The following SENP7 variants were observed in gnomAD, a reference collection of about 807,000 sequenced individuals.
SENP7 encodes sentrin-specific protease 7.
SENP7 carries 64 observed loss-of-function variants against 141.2 expected under a neutral mutation model. The observed-to-expected ratio is 0.45, with a 90% CI of 0.37 to 0.56. The LOEUF is 0.56. SENP7 is among the 20% of genes least tolerant of loss of function. SENP7 has a pLI of 0.00. For synonymous variants in SENP7, 382 were observed against 426.4 expected (o/e 0.90, Z 1.28); for missense variants, 1,025 against 1,212.2 (o/e 0.85, Z 2.29).
chr3:101,464,982 A>G (rs2063712149), intron 3 of SENP7, among the ~76,000 whole-genome samples: 1 of 152,224 alleles, frequency 6.6e-6, no homozygotes, highest in South Asian at 2.1e-4. Flanking sequence ...ATTATAACAA[A>G]AAACTTAAAG....
At chr3:101,497,976 T>C (rs2065226653) in intron 2 of SENP7, among the ~76,000 whole-genome samples, 1 of 152,180 alleles carries the variant, frequency 6.6e-6, no homozygotes, top group Admixed American at 6.5e-5. Context: ...CTAATTTTTT[T>C]TGTAGATATG....
chr3:101,460,477 C>A (rs2063510254), intron 3 of SENP7, among the ~76,000 whole-genome samples: 1 of 152,004 alleles, frequency 6.6e-6, no homozygotes, highest in Non-Finnish European at 1.5e-5. Flanking sequence ...AGTTCTAGAA[C>A]AACTGAACCG....
intron 5 of SENP7, among the ~76,000 whole-genome samples, chr3:101,401,783 TCTCAGC>T (rs1435263498): frequency 6.6e-6 from 1 of 151,852 alleles, no homozygotes; most frequent in East Asian, 1.9e-4. Flanking sequence ...AAAGAAGTTG[TCTCAGC>T]CTGAGCAACA....
At chr3:101,496,151 C>G (rs992509371) in intron 2 of SENP7, among the ~76,000 whole-genome samples, 1 of 152,102 alleles carries the variant, frequency 6.6e-6, no homozygotes, top group Non-Finnish European at 1.5e-5. Flanking sequence ...AGTATTAATT[C>G]TGGTTGTGTC....
intron 1 of SENP7, among the ~76,000 whole-genome samples, chr3:101,511,773 C>T (rs2065867710): frequency 6.6e-6 from 1 of 152,208 alleles, no homozygotes; most frequent in East Asian, 1.9e-4. Flanking sequence ...TGCACTGCCA[C>T]AGGGCACTCC....
At chr3:101,497,154 A>G (rs2065189087) in intron 2 of SENP7, among the ~76,000 whole-genome samples, 1 of 152,240 alleles carries the variant, frequency 6.6e-6, no homozygotes, top group African/African-American at 2.4e-5. Context: ...GAAAAGCTAG[A>G]ATAAGCCTTG....
At chr3:101,452,368 A>T (rs566839172) in intron 4 of SENP7, among the ~76,000 whole-genome samples, 1 of 152,322 alleles carries the variant, frequency 6.6e-6, no homozygotes, top group African/African-American at 2.4e-5. Flanking sequence ...AAACTACTTT[A>T]AAGTTCATAT....
intron 3 of SENP7, among the ~76,000 whole-genome samples, chr3:101,483,206 G>C (rs754368745): frequency 2.6e-5 from 4 of 152,142 alleles, no homozygotes; most frequent in Non-Finnish European, 5.9e-5. Flanking sequence ...GTGCCCATCA[G>C]TGGTGGACTG....
At chr3:101,460,592 A>G (rs1198110778) in intron 3 of SENP7, among the ~76,000 whole-genome samples, 1 of 151,716 alleles carries the variant, frequency 6.6e-6, no homozygotes. Context: ...AAATTATGAA[A>G]CTCTTAGAAA....
chr3:101,339,478 A>G (rs1408833853), intron 16 of SENP7, among the ~76,000 whole-genome samples: 1 of 152,118 alleles, frequency 6.6e-6, no homozygotes, highest in African/African-American at 2.4e-5. Context: ...GTTAACTCTT[A>G]GGGAGGCCAA....
At chr3:101,463,528 A>T (rs1468241782) in intron 3 of SENP7, among the ~76,000 whole-genome samples, 1 of 151,292 alleles carries the variant, frequency 6.6e-6, no homozygotes, top group Non-Finnish European at 1.5e-5. Context: ...TGCAACTAAG[A>T]ATTCTAGACA....
chr3:101,443,577 C>A (rs2062765959), intron 4 of SENP7, among the ~76,000 whole-genome samples: 1 of 151,632 alleles, frequency 6.6e-6, no homozygotes, highest in Admixed American at 6.6e-5. Flanking sequence ...TCTTCCTACC[C>A]ATGAGCATGG....
At chr3:101,342,742 T>C (rs1285566465) in intron 14 of SENP7, among the ~76,000 whole-genome samples, 1 of 151,874 alleles carries the variant, frequency 6.6e-6, no homozygotes, top group Non-Finnish European at 1.5e-5. Context: ...TCTCGATCAC[T>C]GCAATCTCCA....
intron 3 of SENP7, among the ~76,000 whole-genome samples, chr3:101,478,307 C>T (rs186058835): frequency 1.3e-5 from 2 of 152,148 alleles, no homozygotes; most frequent in Admixed American, 1.3e-4. Flanking sequence ...TGCTTGAGTC[C>T]AGGAGTTTAA....
chr3:101,444,920 A>T (rs1430163955), intron 4 of SENP7, among the ~76,000 whole-genome samples: 2 of 151,736 alleles, frequency 1.3e-5, no homozygotes, highest in Non-Finnish European at 2.9e-5. Context: ...AAATAAATAA[A>T]AATAATAATA....
rs939437973 is a variant in SENP7 at position 101,324,457 on chromosome 3, A to T, written c.*1486T>A. 1 of 152,076 alleles carries T rather than the reference A, an allele frequency of 6.6e-6. No homozygotes were observed. Among genetic ancestry groups the T allele is most frequent in the African/African-American group, 2.4e-5 (1 of 41,430 alleles). 9.4% of individuals were successfully genotyped at this position (152,076 alleles called of 1,614,324 possible). ...AGATGTCTTATAGACTTGCTTTCCC[A>T]AAATTAGATGTACAAAACAATAGTC... On this transcript the variant is annotated 3_prime_UTR_variant, in exon 24 of 24. Transcript: ENST00000394095.
At position 101,389,772 on chromosome 3, in the gene SENP7, C is replaced by G. The variant is rs538965358; in HGVS notation, c.677+9089G>C. Among the ~76,000 whole-genome samples, 12 of 152,210 alleles carry G rather than the reference C, an allele frequency of 7.9e-5. 1 individual carries two copies. In the East Asian group the frequency reaches 2.3e-3, roughly 29 times the overall value. On this transcript the variant is annotated intron_variant, in intron 6 of 23. Coordinates refer to ENST00000394095, the MANE Select transcript of SENP7 (RefSeq NM_020654.5). ...ATGACAAAGGAGTTGAACACTGTCACTACAGAAAACCACCAAACTGAAGTG... is the reference window on the plus strand; with the variant it reads ...ATGACAAAGGAGTTGAACACTGTCAGTACAGAAAACCACCAAACTGAAGTG...
intron 6 of SENP7, among the ~76,000 whole-genome samples, chr3:101,394,822 T>C (rs1039351175): frequency 2.0e-5 from 3 of 152,186 alleles, no homozygotes; most frequent in Non-Finnish European, 4.4e-5. Flanking sequence ...CTATTCTTTG[T>C]CTTTCTAACC....
In SENP7 at chr3:101,365,104, G is replaced by T. The variant is rs568919639; in HGVS notation, c.1319-113C>A. 26 of 570,660 alleles carry T rather than the reference G, an allele frequency of 4.6e-5. No individual in the cohort carries two copies. The South Asian group carries it at 1.1e-3, about 24-fold the overall frequency. The allele number at this position is 570,660 out of a possible 1,614,324, so 35.3% of individuals were successfully genotyped here. A position where few individuals can be genotyped will look rare whatever the true frequency, so the allele number is the denominator to read the frequency against. Reference sequence around the variant, plus strand: ...TGCAACCTCCACCTCCCGGGCTCAGGCAATTCTCCTACCTCAGCCTCCCGA... The same window carrying T: ...TGCAACCTCCACCTCCCGGGCTCAGTCAATTCTCCTACCTCAGCCTCCCGA... On this transcript the variant is annotated intron_variant, in intron 9 of 23. Coordinates refer to ENST00000394095, the MANE Select transcript of SENP7 (RefSeq NM_020654.5).
Sources: allele counts gnomAD v4.1 joint callset (sites outside exome capture counted in the v4.1 genomes callset), GRCh38; gene constraint gnomAD v4.1.1; transcripts MANE v1.5; gene names NCBI Gene and HGNC (gene_info 2026-07-23, HGNC 2026-07-21).